CSN1S1: variants seen among roughly 807,000 people sequenced by gnomAD.
The protein encoded by CSN1S1 is casein alpha s1, also known as alpha-S1-casein.
Under a neutral mutation model 49.1 loss-of-function variants are expected in CSN1S1, and 63 were observed. The ratio of observed to expected loss-of-function variants is 1.28; its 90% CI spans 1.05 to 1.58. The LOEUF (loss-of-function observed/expected upper bound fraction) is 1.58. CSN1S1 is among the 40% of genes most tolerant of loss of function. The pLI, the probability that CSN1S1 is intolerant of heterozygous loss-of-function variation, is 0.00. For synonymous variants in CSN1S1, 78 were observed against 67.1 expected (o/e 1.16, Z -0.79); for missense variants, 260 against 224.7 (o/e 1.16, Z -1.01).
rs979068818 is a variant in CSN1S1 at position 69,936,719 on chromosome 4, A to C, written c.195+112A>C. On this transcript the variant is annotated intron_variant, in intron 7 of 15. Coordinates refer to ENST00000246891, the MANE Select transcript of CSN1S1 (RefSeq NM_001890.2). ...TTTCTATGGTTTTGTCCTTTCCTTG[A>C]ACTTTTCACTCATACATTTGTAGTG... The C allele has an allele frequency of 1.5e-5, 14 of 922,010 alleles. No homozygotes were observed. The African/African-American group carries it at 2.2e-4, about 14-fold the overall frequency. The allele number at this position is 922,010 out of a possible 1,614,324, so 57.1% of individuals were successfully genotyped here.
chr4:69,944,820 C>A, intron 14 of CSN1S1, 30 bp from the exon 15 acceptor site: 1 of 1,609,262 alleles, frequency 6.2e-7, no homozygotes, highest in Non-Finnish European at 8.5e-7. Flanking sequence ...TGCTCATACA[C>A]TGTTGCTTTT....
intron 13 of CSN1S1, 47 bp downstream of exon 13, chr4:69,942,110 T>A (rs1353051868): frequency 7.6e-6 from 9 of 1,186,502 alleles, no homozygotes; most frequent in Non-Finnish European, 1.0e-5. Flanking sequence ...TTCCTTCATG[T>A]GTTATGTTTT....
intron 2 of CSN1S1, among the ~76,000 whole-genome samples, chr4:69,933,091 C>T (rs1323289776): frequency 6.6e-6 from 1 of 151,582 alleles, no homozygotes. Flanking sequence ...ACTTTTCTTC[C>T]CCCAAGAAGG....
intron 9 of CSN1S1, among the ~76,000 whole-genome samples, chr4:69,938,407 A>G (rs1426471277): frequency 2.0e-5 from 3 of 151,166 alleles, no homozygotes; most frequent in Non-Finnish European, 4.4e-5. Flanking sequence ...AACCTCAATT[A>G]CTTTTGCACC....
Position 69,936,062 on chromosome 4 carries a change from T to G in CSN1S1, c.129+113T>G. On this transcript the variant is annotated intron_variant, in intron 5 of 15. Transcript: ENST00000246891. ...AAGTGAAAGTCAAGGATAACAAATT[T>G]GAGTGGAACAAACTTAAAAATATTG... 4 of 824,936 alleles carry G rather than the reference T, an allele frequency of 4.8e-6. No homozygotes were observed. In the South Asian group the frequency reaches 4.9e-5, roughly 10 times the overall value. The allele number at this position is 824,936 out of a possible 1,614,324, so 51.1% of individuals were successfully genotyped here. A position where few individuals can be genotyped will look rare whatever the true frequency, so the allele number is the denominator to read the frequency against.
At chr4:69,941,721 C>T (rs1254132653) in intron 12 of CSN1S1, among the ~76,000 whole-genome samples, 1 of 151,898 alleles carries the variant, frequency 6.6e-6, no homozygotes, top group African/African-American at 2.4e-5. Context: ...CTAATTGTTA[C>T]TCTAGTTTCC....
intron 14 of CSN1S1, 93 bp from the exon 15 acceptor site, chr4:69,944,757 T>C: frequency 8.0e-7 from 1 of 1,247,116 alleles, no homozygotes; most frequent in Non-Finnish European, 1.1e-6. Flanking sequence ...CTAACAGGCA[T>C]CTTGGAAATG....
At chr4:69,934,293 C>T in intron 3 of CSN1S1, 49 bp downstream of exon 3, 1 of 1,559,532 alleles carries the variant, frequency 6.4e-7, no homozygotes, top group East Asian at 2.3e-5. Context: ...TTGTGAAGCA[C>T]AAACTCCAAA....
chr4:69,944,515 T>C (rs1314760081), intron 14 of CSN1S1, among the ~76,000 whole-genome samples: 1 of 152,026 alleles, frequency 6.6e-6, no homozygotes, highest in Admixed American at 6.6e-5. Context: ...GTTTATAACG[T>C]AAATAATAAT....
At chr4:69,936,267 T>C (rs999366291) in intron 5 of CSN1S1, among the ~76,000 whole-genome samples, 189 bp from the exon 6 acceptor site, 4 of 151,998 alleles carry the variant, frequency 2.6e-5, no homozygotes, top group African/African-American at 9.7e-5. Context: ...TTTGATTGAC[T>C]TAATTGTGTA....
chr4:69,945,353 C>G (rs1469139343), intron 15 of CSN1S1, among the ~76,000 whole-genome samples: 1 of 151,970 alleles, frequency 6.6e-6, no homozygotes, highest in Non-Finnish European at 1.5e-5. Context: ...TGACTTCCTT[C>G]TGGTTATACC....
At chr4:69,944,398 C>A (rs115936835) in intron 14 of CSN1S1, among the ~76,000 whole-genome samples, 3 of 151,866 alleles carry the variant, frequency 2.0e-5, no homozygotes, top group African/African-American at 7.2e-5. Context: ...TTTTCTGTTC[C>A]TGGCATTTCT....
chr4:69,937,150 A>C lies in CSN1S1; in HGVS notation c.219+6A>C. The C allele has an allele frequency of 6.5e-7, 1 of 1,530,422 alleles. No individual in the cohort carries two copies. The highest frequency in any genetic ancestry group is 8.8e-7 in the Non-Finnish European group (1 of 1,136,432). 94.8% of individuals were successfully genotyped at this position (1,530,422 alleles called of 1,614,324 possible). On this transcript the variant is annotated splice_donor_region_variant and intron_variant, in intron 8 of 15. Coordinates refer to ENST00000246891, the MANE Select transcript of CSN1S1 (RefSeq NM_001890.2). Reference sequence around the variant, plus strand: ...CTAGGAATGAGTCTACTCAGGTGAGACCCTTTGTTTTAAAATTATTAAACC... The same window carrying C: ...CTAGGAATGAGTCTACTCAGGTGAGCCCCTTTGTTTTAAAATTATTAAACC...
chr4:69,942,184 G>C (rs1358365650), intron 13 of CSN1S1, 121 bp downstream of exon 13: 2 of 603,010 alleles, frequency 3.3e-6, no homozygotes, highest in Non-Finnish European at 5.4e-6. Flanking sequence ...AACACTATCT[G>C]ATAATATTTT....
chr4:69,941,243 A>G (rs1722961236), intron 12 of CSN1S1, among the ~76,000 whole-genome samples, 183 bp downstream of exon 12: 1 of 151,768 alleles, frequency 6.6e-6, no homozygotes, highest in African/African-American at 2.4e-5. Context: ...GGCAATGCTC[A>G]TTCTCTTTAT....
chr4:69,932,223 G>T (rs990804687), intron 1 of CSN1S1, among the ~76,000 whole-genome samples: 1 of 151,612 alleles, frequency 6.6e-6, no homozygotes, highest in East Asian at 1.9e-4. Flanking sequence ...TTCAATATTA[G>T]CACTTCTTTA....
At chr4:69,941,336 C>G (rs535839391) in intron 12 of CSN1S1, among the ~76,000 whole-genome samples, 1 of 151,706 alleles carries the variant, frequency 6.6e-6, no homozygotes, top group Non-Finnish European at 1.5e-5. Flanking sequence ...CCACTTTTAA[C>G]CTCCCTGATG....
intron 14 of CSN1S1, 33 bp downstream of exon 14, chr4:69,942,610 AATATTTTGT>A: frequency 6.6e-7 from 1 of 1,520,936 alleles, no homozygotes; most frequent in Non-Finnish European, 9.0e-7. Context: ...ACAAAACGAT[AATATTTTGT>A]TAAGCTTAAA....
chr4:69,935,999 G>A (rs1179567081), intron 5 of CSN1S1, 50 bp downstream of exon 5: 1 of 1,408,300 alleles, frequency 7.1e-7, no homozygotes, highest in Admixed American at 2.1e-5. Flanking sequence ...AGAGAAGTAA[G>A]TGTTAAGATC....
Sources: allele counts gnomAD v4.1 joint callset (sites outside exome capture counted in the v4.1 genomes callset), GRCh38; gene constraint gnomAD v4.1.1; transcripts MANE v1.5; gene names NCBI Gene and HGNC (gene_info 2026-07-23, HGNC 2026-07-21).